The following ANKRD13A variants were observed in gnomAD, a reference collection of about 807,000 sequenced individuals.
The protein encoded by ANKRD13A is ankyrin repeat domain 13A, also known as ankyrin repeat domain-containing protein 13A.
ANKRD13A carries 48 observed loss-of-function variants against 81.3 expected under a neutral mutation model. That is an observed-to-expected ratio of 0.59 (90% CI 0.47 to 0.75). The LOEUF (loss-of-function observed/expected upper bound fraction) is 0.75. Among genes scored for constraint, ANKRD13A ranks in the 30% least tolerant of loss-of-function variants. The pLI is 0.00. For missense variants in ANKRD13A, 612 were observed against 734.0 expected (o/e 0.83, Z 1.92); for synonymous variants, 230 against 270.1 (o/e 0.85, Z 1.45).
Position 110,027,516 on chromosome 12 carries a change from A to T in ANKRD13A, c.884-189A>T, listed in dbSNP as rs983443349. The stretch of plus-strand genomic sequence containing the variant: ...ATTCTTACAACTGTTTATCTAGTTT[A>T]GAGATCCTCATGAAAAGCACCCTAT... On this transcript the variant is annotated intron_variant, in intron 8 of 14. Coordinates refer to ENST00000261739, the MANE Select transcript of ANKRD13A (RefSeq NM_033121.2). 4.1e-5 allele frequency: 24 copies of T among 589,230 alleles called. No individual in the cohort carries two copies. In the African/African-American group the frequency reaches 4.3e-4, roughly 11 times the overall value. The allele number at this position is 589,230 out of a possible 1,614,324, so 36.5% of individuals were successfully genotyped here. A position where few individuals can be genotyped will look rare whatever the true frequency, so the allele number is the denominator to read the frequency against.
rs1339427617 is a variant in ANKRD13A, at chr12:110,036,827, T to A, written c.1577+499T>A. Among the ~76,000 whole-genome samples the A allele has an allele frequency of 6.6e-6, 1 of 152,196 alleles. No individual in the cohort carries two copies. Among genetic ancestry groups the A allele is most frequent in the African/African-American group, 2.4e-5 (1 of 41,462 alleles). On this transcript the variant is annotated intron_variant, in intron 14 of 14. Transcript: ENST00000261739. This position sits in a 1 kb window ranked among gnomAD's most constrained non-coding sequence, Gnocchi z 4.6. The stretch of plus-strand genomic sequence containing the variant: ...ACTTATAATAACTCTAGACTCTTGA[T>A]AGCAAGTTTCCAGGAATGGGTGATA...
At chr12:110,001,451 T>C (rs1889971445) in intron 1 of ANKRD13A, among the ~76,000 whole-genome samples, 2 of 150,806 alleles carry the variant, frequency 1.3e-5, no homozygotes, top group Non-Finnish European at 3.0e-5. Flanking sequence ...TTTTTTTTTT[T>C]CTTTTTGAGA....
At chr12:110,011,752 G>A (rs780284031) in intron 1 of ANKRD13A, among the ~76,000 whole-genome samples, 11 of 152,146 alleles carry the variant, frequency 7.2e-5, no homozygotes, top group Non-Finnish European at 1.6e-4. Flanking sequence ...ATGATCTGGA[G>A]CCTGTTGCCA....
At chr12:110,009,186 A>G (rs1458568957) in intron 1 of ANKRD13A, among the ~76,000 whole-genome samples, 2 of 152,060 alleles carry the variant, frequency 1.3e-5, no homozygotes, top group Non-Finnish European at 2.9e-5. Flanking sequence ...GGTTCAAGCA[A>G]TTCTCCTGCC....
chr12:110,018,634 C>G lies in ANKRD13A; in HGVS notation c.544+146C>G. On this transcript the variant is annotated intron_variant, in intron 5 of 14. Coordinates refer to ENST00000261739, the MANE Select transcript of ANKRD13A (RefSeq NM_033121.2). The surrounding 1 kb of genome is among the most constrained non-coding windows in gnomAD (Gnocchi z 4.4). ...TTGGTTATTCTTATTAATTATTCAG[C>G]TCTCCATCCCTGTCTTCGTTCTTGT... is the stretch of plus-strand genomic sequence containing the variant. 1.0e-6 allele frequency: 1 copy of G among 953,706 alleles called. No individual in the cohort carries two copies. Among genetic ancestry groups the G allele is most frequent in the Non-Finnish European group, 1.5e-6 (1 of 653,530 alleles). 59.1% of individuals were successfully genotyped at this position (953,706 alleles called of 1,614,324 possible). A position where few individuals can be genotyped will look rare whatever the true frequency, so the allele number is the denominator to read the frequency against.
At chr12:110,031,200 A>G (rs1891669262) in intron 12 of ANKRD13A, among the ~76,000 whole-genome samples, 2 of 152,166 alleles carry the variant, frequency 1.3e-5, no homozygotes, top group African/African-American at 4.8e-5. Flanking sequence ...GATGAAAGAA[A>G]ATTTCAGATT....
At chr12:110,013,353 AT>A (rs1260566060) in intron 3 of ANKRD13A, 104 bp downstream of exon 3, 3 of 1,384,370 alleles carry the variant, frequency 2.2e-6, no homozygotes, top group African/African-American at 1.4e-5. Context: ...GAGTTTTCTG[AT>A]TCGTGAATAT....
At chr12:110,008,136 AG>A (rs1890331702) in intron 1 of ANKRD13A, among the ~76,000 whole-genome samples, 2 of 152,166 alleles carry the variant, frequency 1.3e-5, no homozygotes, top group Non-Finnish European at 2.9e-5. Context: ...TGGGTTTTTT[AG>A]AGATGCTTTT....
intron 1 of ANKRD13A, among the ~76,000 whole-genome samples, chr12:110,004,548 G>C (rs1890146951): frequency 6.6e-6 from 1 of 152,138 alleles, no homozygotes; most frequent in Non-Finnish European, 1.5e-5. Context: ...CTGGGAGGCA[G>C]AGGTTGCAGT....
intron 1 of ANKRD13A, among the ~76,000 whole-genome samples, chr12:110,003,729 G>A (rs1323687047): frequency 1.3e-5 from 2 of 152,214 alleles, no homozygotes; most frequent in Non-Finnish European, 2.9e-5. Context: ...CTGCAGCCTG[G>A]CCTCAGAGCT....
intron 4 of ANKRD13A, among the ~76,000 whole-genome samples, chr12:110,016,903 G>T (rs1890830911): frequency 6.6e-6 from 1 of 152,084 alleles, no homozygotes; most frequent in Non-Finnish European, 1.5e-5. Flanking sequence ...TTCCTGAGTA[G>T]CTGGGATTAC....
chr12:110,038,846 C>G lies in ANKRD13A; in HGVS notation c.*1292C>G, dbSNP rs1405173610. The G allele has an allele frequency of 1.3e-5, 2 of 152,192 alleles. No individual in the cohort carries two copies. The highest frequency in any genetic ancestry group is 2.4e-5 in the African/African-American group (1 of 41,436). 9.4% of individuals were successfully genotyped at this position (152,192 alleles called of 1,614,324 possible). A position where few individuals can be genotyped will look rare whatever the true frequency, so the allele number is the denominator to read the frequency against. On this transcript the variant is annotated 3_prime_UTR_variant, in exon 15 of 15. Coordinates refer to ENST00000261739, the MANE Select transcript of ANKRD13A (RefSeq NM_033121.2). ...GGAATACAGCCAAGGGCACTGCTCA[C>G]TGTGGCCCGTGTATTCATTCCCACA...
intron 3 of ANKRD13A, among the ~76,000 whole-genome samples, chr12:110,015,107 T>C (rs1890727423): frequency 6.6e-6 from 1 of 151,872 alleles, no homozygotes; most frequent in African/African-American, 2.4e-5. Flanking sequence ...AACTTTTAGA[T>C]TTCTGAATCT....
chr12:110,008,216 G>C (rs1324732962), intron 1 of ANKRD13A, among the ~76,000 whole-genome samples: 2 of 152,162 alleles, frequency 1.3e-5, no homozygotes, highest in Non-Finnish European at 2.9e-5. Flanking sequence ...ATGAAGGGAT[G>C]TTGGAGTTTT....
At position 110,012,092 on chromosome 12, in the gene ANKRD13A, C is replaced by T. The variant is rs779708726; in HGVS notation, c.184C>T (p.Arg62Ter). 13 of 1,612,292 alleles carry T rather than the reference C, an allele frequency of 8.1e-6. No individual in the cohort carries two copies. The highest frequency in any genetic ancestry group is 6.7e-5 in the Admixed American group (4 of 59,954). ...TTTGGAATCTGCTCGAGTCTTACTCCGACATAAAGCAGATGTGACAAAAGA... is the reference window on the plus strand; with the variant it reads ...TTTGGAATCTGCTCGAGTCTTACTCTGACATAAAGCAGATGTGACAAAAGA... The part of the protein sequence containing the change: ...GHLESARVLL[R>*]HKADVTKENR... The change falls in exon 2 of 15, where the codon CGA (arginine) becomes TGA (stop). Residue 62 changes from arginine (R) to a stop codon, truncating the protein, a stop_gained. Coordinates refer to ENST00000261739, the MANE Select transcript of ANKRD13A (RefSeq NM_033121.2). LOFTEE classifies it high-confidence loss of function.
intron 4 of ANKRD13A, among the ~76,000 whole-genome samples, chr12:110,017,898 C>T (rs1890872549): frequency 6.6e-6 from 1 of 151,592 alleles, no homozygotes; most frequent in Admixed American, 6.6e-5. Context: ...CGCCACTGCA[C>T]TCCAGCCTGG....
chr12:110,018,222 C>T lies in ANKRD13A; in HGVS notation c.401-123C>T, dbSNP rs117996860. ...TGGTAAATATGAAAGCCAAGAAGTC[C>T]GTTGTTTGATGGTCACCATCTTGCC... On this transcript the variant is annotated intron_variant, in intron 4 of 14. Coordinates refer to ENST00000261739, the MANE Select transcript of ANKRD13A (RefSeq NM_033121.2). The surrounding 1 kb of genome is among the most constrained non-coding windows in gnomAD (Gnocchi z 4.4). The T allele has an allele frequency of 1.2e-4, 119 of 982,692 alleles. 1 individual carries two copies. In the East Asian group the frequency reaches 2.7e-3, roughly 22 times the overall value. The allele number at this position is 982,692 out of a possible 1,614,324, so 60.9% of individuals were successfully genotyped here.
chr12:110,025,813 G>A lies in ANKRD13A; in HGVS notation c.873G>A (p.Lys291=), dbSNP rs747299244. The A allele has an allele frequency of 3.1e-6, 5 of 1,613,682 alleles. No individual in the cohort carries two copies. The highest frequency in any genetic ancestry group is 4.2e-6 in the Non-Finnish European group (5 of 1,179,736). ...AACATCTGACCGAGGAGGAAAAAAAGAGATATAAAGGTAATCACCACCACC... is the reference window on the plus strand; with the variant it reads ...AACATCTGACCGAGGAGGAAAAAAAAAGATATAAAGGTAATCACCACCACC... ...RTEHLTEEEK[K]RYKADRNPLE... is the part of the protein sequence containing the mutation. Residue 291 remains lysine (K), a synonymous_variant, in exon 8 of 15, where the codon AAG becomes AAA. Transcript: ENST00000261739.
chr12:110,032,548 AT>A (rs897320439), intron 12 of ANKRD13A: 3 of 152,208 alleles, frequency 2.0e-5, no homozygotes, highest in African/African-American at 7.2e-5. Flanking sequence ...TGAATAAAAC[AT>A]TCGGCATTAC....
Sources: allele counts gnomAD v4.1 joint callset (sites outside exome capture counted in the v4.1 genomes callset), GRCh38; gene constraint gnomAD v4.1.1; non-coding constraint Gnocchi (gnomAD v3.1); transcripts MANE v1.5; gene names NCBI Gene and HGNC (gene_info 2026-07-23, HGNC 2026-07-21).